The following POF1B variants were observed in gnomAD, a reference collection of about 807,000 sequenced individuals.
POF1B encodes protein POF1B.
A neutral mutation model predicts 55.3 loss-of-function variants in POF1B; 53 were observed. The ratio of observed to expected loss-of-function variants is 0.96; its 90% CI spans 0.77 to 1.20. POF1B has a LOEUF of 1.20. Ranked by LOEUF, POF1B falls within the 50% of genes most tolerant of loss-of-function variation. The pLI, the probability that POF1B is intolerant of heterozygous loss-of-function variation, is 0.00. For missense variants in POF1B, 478 were observed against 420.5 expected (o/e 1.14, Z -1.20); for synonymous variants, 188 against 148.3 (o/e 1.27, Z -1.95).
At chrX:85,341,373 C>T (rs748879065) in intron 6 of POF1B, among the ~76,000 whole-genome samples, 1 of 109,635 alleles carries the variant, frequency 9.1e-6, no homozygotes, top group Non-Finnish European at 1.9e-5. Context: ...TACTATTTGG[C>T]CTTTTAAACT....
At chrX:85,368,721 T>C (rs752280411) in intron 2 of POF1B, among the ~76,000 whole-genome samples, 1 of 111,518 alleles carries the variant, frequency 9.0e-6, no homozygotes, top group South Asian at 3.7e-4. Flanking sequence ...TTTAAAATGG[T>C]CCAATAAAAT....
chrX:85,379,085 G>A, intron 2 of POF1B, 88 bp downstream of exon 2: 1 of 1,030,377 alleles, frequency 9.7e-7, no homozygotes, highest in African/African-American at 1.9e-5. Flanking sequence ...GATATCCTGT[G>A]GAATAGAGGC....
chrX:85,284,721 A>T (rs1932001540), intron 15 of POF1B, among the ~76,000 whole-genome samples: 1 of 111,932 alleles, frequency 8.9e-6, no homozygotes, highest in East Asian at 2.8e-4. Flanking sequence ...AAACCTAGGC[A>T]ATACCATTCA....
intron 7 of POF1B, among the ~76,000 whole-genome samples, chrX:85,317,992 T>A (rs1276043459): frequency 9.0e-6 from 1 of 111,687 alleles, no homozygotes; most frequent in Middle Eastern, 4.2e-3. Flanking sequence ...TACTGCATGT[T>A]CTCACTTACA....
At chrX:85,317,473 T>C (rs1414386444) in intron 7 of POF1B, among the ~76,000 whole-genome samples, 2 of 109,986 alleles carry the variant, frequency 1.8e-5, no homozygotes, top group Non-Finnish European at 3.8e-5. Flanking sequence ...CCATTCTGAC[T>C]GGTGTGAGAA....
At chrX:85,351,555 T>C in intron 4 of POF1B, 104 bp from the exon 5 acceptor site, 1 of 522,237 alleles carries the variant, frequency 1.9e-6, no homozygotes, top group Non-Finnish European at 3.2e-6. Flanking sequence ...AAGTACTGGC[T>C]GACCTTAGGA....
At chrX:85,350,429 T>C in intron 5 of POF1B, among the ~76,000 whole-genome samples, 1 of 111,491 alleles carries the variant, frequency 9.0e-6, no homozygotes, top group Non-Finnish European at 1.9e-5. Context: ...ATCCAGTCTA[T>C]CATTGTTGGA....
rs751111300 is a variant in POF1B, at chrX:85,376,926, A to T, written c.282+2247T>A. 6.3e-5 allele frequency among the ~76,000 whole-genome samples: 7 copies of T among 111,258 alleles called. No individual in the cohort carries two copies. In the Admixed American group the frequency reaches 6.7e-4, roughly 11 times the overall value. Reference sequence around the variant, plus strand: ...TTCCCTGAATGTCTTCCAAAAACCAAAAGGCAAAAAACAAAACAAAACAAA... The same window carrying T: ...TTCCCTGAATGTCTTCCAAAAACCATAAGGCAAAAAACAAAACAAAACAAA... On this transcript the variant is annotated intron_variant, in intron 2 of 16. Transcript: ENST00000262753.
chrX:85,373,864 G>T (rs1318372032), intron 2 of POF1B, among the ~76,000 whole-genome samples: 1 of 111,302 alleles, frequency 9.0e-6, no homozygotes, highest in Non-Finnish European at 1.9e-5. Flanking sequence ...GAGCAGTTCA[G>T]ATGTAAGAGC....
At chrX:85,309,589 A>G (rs1315949104) in intron 9 of POF1B, among the ~76,000 whole-genome samples, 3 of 111,135 alleles carry the variant, frequency 2.7e-5, no homozygotes, top group African/African-American at 9.8e-5. Flanking sequence ...CTGGTGATCT[A>G]GTTACATCAA....
intron 4 of POF1B, among the ~76,000 whole-genome samples, chrX:85,352,297 A>G (rs763909865): frequency 2.4e-4 from 27 of 111,169 alleles, no homozygotes; most frequent in Non-Finnish European, 3.0e-4. Flanking sequence ...ACAAAACAAA[A>G]TTTGCATTCA....
chrX:85,341,055 G>A (rs1480031607), intron 6 of POF1B, among the ~76,000 whole-genome samples: 1 of 110,717 alleles, frequency 9.0e-6, no homozygotes, highest in East Asian at 2.9e-4. Context: ...AACTATATTG[G>A]GATGATGGAA....
At chrX:85,367,101 C>T (rs184342910) in intron 3 of POF1B, among the ~76,000 whole-genome samples, 4 of 110,937 alleles carry the variant, frequency 3.6e-5, no homozygotes, top group East Asian at 2.9e-4. Context: ...ACAAACTTAG[C>T]GTGCTTTATG....
intron 4 of POF1B, 77 bp from the exon 5 acceptor site, chrX:85,351,528 G>C: frequency 1.4e-6 from 1 of 698,656 alleles, no homozygotes; most frequent in Non-Finnish European, 2.2e-6. Flanking sequence ...CAAATATCCA[G>C]TGTCGAATAG....
At position 85,310,824 on chromosome X, in the gene POF1B, A is replaced by G. The variant is rs1036140579; in HGVS notation, c.958-2608T>C. On this transcript the variant is annotated intron_variant, in intron 9 of 16. Coordinates refer to ENST00000262753, the MANE Select transcript of POF1B (RefSeq NM_024921.4). Reference sequence around the variant, plus strand: ...TCAAACTTCTTAAAACTAAAGACAAACTAAAAATTTTCAAAGCAGCAAGAA... The same window carrying G: ...TCAAACTTCTTAAAACTAAAGACAAGCTAAAAATTTTCAAAGCAGCAAGAA... Among the ~76,000 whole-genome samples, 21 of 112,401 alleles carry G rather than the reference A, an allele frequency of 1.9e-4. 4 individuals carry two copies. The highest frequency in any genetic ancestry group is 1.8e-3 in the Admixed American group (19 of 10,579).
chrX:85,282,359 A>G, intron 15 of POF1B, 42 bp from the exon 16 acceptor site: 1 of 937,725 alleles, frequency 1.1e-6, no homozygotes, highest in South Asian at 3.0e-5. Context: ...TGCATGAGAA[A>G]ATAACTTTCA....
chrX:85,302,343 A>T (rs766727802), intron 15 of POF1B, among the ~76,000 whole-genome samples: 3 of 111,646 alleles, frequency 2.7e-5, no homozygotes, highest in Non-Finnish European at 5.7e-5. Flanking sequence ...AAAAATTGCT[A>T]AAAAACATTA....
intron 2 of POF1B, among the ~76,000 whole-genome samples, chrX:85,369,511 T>A (rs1465211066): frequency 1.8e-5 from 2 of 111,831 alleles, no homozygotes; most frequent in African/African-American, 6.5e-5. Flanking sequence ...TATATACCTA[T>A]GTATAAATAG....
chrX:85,305,142 T>A (rs2147903934), intron 13 of POF1B, among the ~76,000 whole-genome samples: 1 of 111,703 alleles, frequency 9.0e-6, no homozygotes, highest in Admixed American at 9.5e-5. Flanking sequence ...TGTTTCATTT[T>A]GATTTTTGGT....
Sources: allele counts gnomAD v4.1 joint callset (sites outside exome capture counted in the v4.1 genomes callset), GRCh38; gene constraint gnomAD v4.1.1; transcripts MANE v1.5; gene names NCBI Gene and HGNC (gene_info 2026-07-23, HGNC 2026-07-21).